The following INPP5D variants were observed in gnomAD, a reference collection of about 807,000 sequenced individuals.
The protein encoded by INPP5D is phosphatidylinositol 3,4,5-trisphosphate 5-phosphatase 1.
In INPP5D, 33 loss-of-function variants were observed where a neutral mutation model predicts 122.9. The observed-to-expected ratio is 0.27, with a 90% CI of 0.20 to 0.36. The LOEUF is 0.36. INPP5D is among the 10% of genes least tolerant of loss of function. INPP5D has a pLI of 1.00. For missense variants in INPP5D, 1,053 were observed against 1,412.7 expected, an observed-to-expected ratio of 0.75 and a Z score of 4.08; for synonymous variants, 584 against 576.2, an observed-to-expected ratio of 1.01 and a Z score of -0.19.
At position 233,198,169 on chromosome 2, in the gene INPP5D, C is replaced by T. The variant is rs1442003323; in HGVS notation, c.2768C>T (p.Pro923Leu). 1 of 1,613,504 alleles carries T rather than the reference C, an allele frequency of 6.2e-7. No individual in the cohort carries two copies. The highest frequency in any genetic ancestry group is 1.1e-5 in the South Asian group (1 of 91,082). ...PNYMGVGPFGPPMPLHVKQTL... is the reference protein window; with the variant it reads ...PNYMGVGPFGLPMPLHVKQTL... ...TACATGGGAGTGGGGCCCTTTGGGC[C>T]ACCAATGCCCCTGCACGTGAAGCAG... Residue 923 changes from proline (P) to leucine (L), a missense_variant, in exon 25 of 27, where the codon CCA becomes CTA. By Grantham distance (98) the Pro-to-Leu change is moderately conservative (BLOSUM62 -3). Coordinates refer to ENST00000445964, the MANE Select transcript of INPP5D (RefSeq NM_001017915.3).
chr2:233,204,432 C>T lies in INPP5D; in HGVS notation c.3282C>T (p.Gly1094=). The T allele has an allele frequency of 6.2e-7, 1 of 1,605,798 alleles. No individual in the cohort carries two copies. The highest frequency in any genetic ancestry group is 2.2e-5 in the East Asian group (1 of 44,568). ...RSFTCSSSAE[G]RAAGGDKSQG... ...TCACGTGCTCATCCTCTGCCGAGGG[C>T]AGGGCGGCCGGCGGGGACAAGAGCC... The change falls in exon 26 of 27, where the codon GGC becomes GGT. Residue 1094 remains glycine (G), a synonymous_variant. Transcript: ENST00000445964.
Position 233,204,512 on chromosome 2 carries a change from C to T in INPP5D, c.3362C>T (p.Pro1121Leu). The change falls in exon 26 of 27, where the codon CCC becomes CTC. Residue 1121 changes from proline to leucine, a missense_variant. By Grantham distance (98) the Pro-to-Leu change is moderately conservative. Transcript: ENST00000445964. The part of the protein sequence containing the change: ...SSQAPVPAKR[P>L]IKPSRSEINQ... ...CAGGCCCCGGTGCCGGCCAAGAGGCCCATCAAGCCTTCCAGATCGGAAATC... is the reference window on the plus strand; with the variant it reads ...CAGGCCCCGGTGCCGGCCAAGAGGCTCATCAAGCCTTCCAGATCGGAAATC... The T allele has an allele frequency of 6.3e-7, 1 of 1,581,922 alleles. No homozygotes were observed. Among genetic ancestry groups the T allele is most frequent in the East Asian group, 2.3e-5 (1 of 42,856 alleles).
At position 233,170,976 on chromosome 2, in the gene INPP5D, C is replaced by A; in HGVS notation, c.1901-88C>A. 2 of 1,553,524 alleles carry A rather than the reference C, an allele frequency of 1.3e-6. No individual in the cohort carries two copies. The highest frequency in any genetic ancestry group is 2.4e-5 in the South Asian group (2 of 84,612). ...TCCAGCCATCCTTTCGTCCCCTTTC[C>A]CCTGATTTCCTACCAGAAGAATAGG... On this transcript the variant is annotated intron_variant, in intron 16 of 26. Coordinates refer to ENST00000445964, the MANE Select transcript of INPP5D (RefSeq NM_001017915.3). This position sits in a 1 kb window ranked among gnomAD's most constrained non-coding sequence, Gnocchi z 4.5.
rs1691714395 is a variant in INPP5D at position 233,082,350 on chromosome 2, A to G, written c.198+2952A>G. 6.6e-6 allele frequency among the ~76,000 whole-genome samples: 1 copy of G among 152,168 alleles called. No individual in the cohort carries two copies. The highest frequency in any genetic ancestry group is 1.5e-5 in the Non-Finnish European group (1 of 68,024). Reference sequence around the variant, plus strand: ...CTTTAGCAGTTATTGATCTCTGCCTATTTTAACTCAAGTTCCTCTTTTCAT... The same window carrying G: ...CTTTAGCAGTTATTGATCTCTGCCTGTTTTAACTCAAGTTCCTCTTTTCAT... On this transcript the variant is annotated intron_variant, in intron 2 of 26. Transcript: ENST00000445964. This position sits in a 1 kb window ranked among gnomAD's most constrained non-coding sequence, Gnocchi z 4.7.
intron 21 of INPP5D, among the ~76,000 whole-genome samples, chr2:233,186,689 T>A (rs1201711338): frequency 9.8e-4 from 12 of 12,288 alleles, no homozygotes; most frequent in Non-Finnish European, 1.5e-3. Flanking sequence ...TCTTTCTTTT[T>A]TTTTTTTTTT....
chr2:233,145,953 A>G lies in INPP5D; in HGVS notation c.754-209A>G, dbSNP rs1235047028. 5 of 692,380 alleles carry G rather than the reference A, an allele frequency of 7.2e-6. No individual in the cohort carries two copies. The East Asian group carries it at 1.4e-4, about 19-fold the overall frequency. The allele number at this position is 692,380 out of a possible 1,614,324, so 42.9% of individuals were successfully genotyped here. ...GGGAGAGGCAGATTTACAGGGAAGA[A>G]GAAATGAAGATCTATTTTTTGGCCA... On this transcript the variant is annotated intron_variant, in intron 6 of 26. Coordinates refer to ENST00000445964, the MANE Select transcript of INPP5D (RefSeq NM_001017915.3).
chr2:233,079,245 T>A, intron 1 of INPP5D, 90 bp from the exon 2 acceptor site: 1 of 825,698 alleles, frequency 1.2e-6, no homozygotes, highest in Admixed American at 1.9e-5. Flanking sequence ...TCCAGATTCC[T>A]CAAGCTGTGT....
Position 233,134,003 on chromosome 2 carries a change from C to G in INPP5D, c.665+3355C>G, listed in dbSNP as rs1393481811. ...GTGCAGATGCTGAGAACTGGTGTGACCTGGGACACGTGTGCATGGCAAAGG... is the reference window on the plus strand; with the variant it reads ...GTGCAGATGCTGAGAACTGGTGTGAGCTGGGACACGTGTGCATGGCAAAGG... On this transcript the variant is annotated intron_variant, in intron 5 of 26. Transcript: ENST00000445964. 1.1e-5 allele frequency: 5 copies of G among 456,272 alleles called. No homozygotes were observed. In the Admixed American group the frequency reaches 1.2e-4, roughly 11 times the overall value. The allele number at this position is 456,272 out of a possible 1,614,324, so 28.3% of individuals were successfully genotyped here.
chr2:233,117,921 C>G (rs547654877), intron 2 of INPP5D, among the ~76,000 whole-genome samples: 2 of 152,204 alleles, frequency 1.3e-5, no homozygotes, highest in South Asian at 2.1e-4. Context: ...GGCTCCAACT[C>G]TTGTCTGTCA....
intron 21 of INPP5D, among the ~76,000 whole-genome samples, chr2:233,187,483 C>T (rs1188223148): frequency 1.3e-5 from 2 of 152,206 alleles, no homozygotes; most frequent in African/African-American, 2.4e-5. Context: ...GGACCATTCT[C>T]TCCTGAGACT....
At chr2:233,167,367 A>T (rs7570656) in intron 13 of INPP5D, among the ~76,000 whole-genome samples, 5,265 of 151,444 alleles carry the variant, frequency 0.035, 203 homozygotes, top group African/African-American at 0.098. Flanking sequence ...ACTTTGTCTC[A>T]AATTAGAAAA....
intron 18 of INPP5D, among the ~76,000 whole-genome samples, chr2:233,181,347 T>A (rs1694778133): frequency 6.6e-6 from 1 of 152,244 alleles, no homozygotes; most frequent in Non-Finnish European, 1.5e-5. Context: ...GTCTGTTTTA[T>A]CACCTTCTTG....
chr2:233,201,989 C>T (rs1268507379), intron 25 of INPP5D, among the ~76,000 whole-genome samples: 3 of 152,216 alleles, frequency 2.0e-5, no homozygotes, highest in East Asian at 3.9e-4. Context: ...CTTCCCCGCC[C>T]GCCCCACCAA....
intron 3 of INPP5D, among the ~76,000 whole-genome samples, chr2:233,124,628 C>T (rs953992475): frequency 3.9e-5 from 6 of 152,220 alleles, no homozygotes; most frequent in Non-Finnish European, 7.3e-5. Flanking sequence ...TGCCCCCAGG[C>T]GCCCAGGGCC....
At chr2:233,071,987 T>C (rs923237615) in intron 1 of INPP5D, among the ~76,000 whole-genome samples, 3 of 152,234 alleles carry the variant, frequency 2.0e-5, no homozygotes, top group Non-Finnish European at 4.4e-5. Flanking sequence ...CAAATACTTA[T>C]GACACTTATT....
chr2:233,180,286 C>A (rs1343742926), intron 18 of INPP5D, among the ~76,000 whole-genome samples: 3 of 152,014 alleles, frequency 2.0e-5, no homozygotes, highest in Non-Finnish European at 2.9e-5. Flanking sequence ...TTACAGTCCA[C>A]CTCCTAGGCT....
rs1355170775 is a variant in INPP5D at position 233,125,743 on chromosome 2, A to G, written c.350-2A>G. On this transcript the variant is annotated splice_acceptor_variant, in intron 3 of 26. Transcript: ENST00000445964. LOFTEE classifies it high-confidence loss of function. ...CAATGGCCTTCCTGCTGTTCTCTCC[A>G]GTAGAAAGTGTCGTGTCTCCACCCG... 1 of 1,611,748 alleles carries G rather than the reference A, an allele frequency of 6.2e-7. No homozygotes were observed. Among genetic ancestry groups the G allele is most frequent in the Non-Finnish European group, 8.5e-7 (1 of 1,178,714 alleles).
At chr2:233,094,540 A>AAAAAAAAAAAAC (rs1692081776) in intron 2 of INPP5D, among the ~76,000 whole-genome samples, 1 of 146,754 alleles carries the variant, frequency 6.8e-6, no homozygotes, top group Non-Finnish European at 1.5e-5. Context: ...AAAAAAAAAA[A>AAAAAAAAAAAAC]AATTCTAAAA....
At chr2:233,077,426 C>T (rs113088907) in intron 1 of INPP5D, among the ~76,000 whole-genome samples, 10,959 of 151,878 alleles carry the variant, frequency 0.072, 484 homozygotes, top group Middle Eastern at 0.11. Context: ...TTTGGGAGGC[C>T]GAGGTGGGTG....
Sources: allele counts gnomAD v4.1 joint callset (sites outside exome capture counted in the v4.1 genomes callset), GRCh38; gene constraint gnomAD v4.1.1; non-coding constraint Gnocchi (gnomAD v3.1); transcripts MANE v1.5; gene names NCBI Gene and HGNC (gene_info 2026-07-23, HGNC 2026-07-21).